The following NCAM2 variants were observed in gnomAD, a reference collection of about 807,000 sequenced individuals.
The protein encoded by NCAM2 is N-CAM-2.
NCAM2 carries 30 observed loss-of-function variants against 98.1 expected under a neutral mutation model. The observed-to-expected ratio is 0.31, with a 90% confidence interval of 0.23 to 0.41. NCAM2 has a LOEUF of 0.41. Among genes scored for constraint, NCAM2 ranks in the 10% least tolerant of loss-of-function variants. NCAM2 has a pLI of 1.00. For missense variants in NCAM2, 867 were observed against 1,005.8 expected, an observed-to-expected ratio of 0.86 and a Z score of 1.87; for synonymous variants, 368 against 342.4, an observed-to-expected ratio of 1.07 and a Z score of -0.83.
intron 1 of NCAM2, among the ~76,000 whole-genome samples, chr21:21,126,363 A>G (rs111986662): frequency 0.013 from 1,954 of 151,984 alleles, 26 homozygotes; most frequent in Non-Finnish European, 0.021. Flanking sequence ...ACATCCAAAC[A>G]AATTTTTTTT....
chr21:21,325,845 T>G (rs1418305036), intron 6 of NCAM2, among the ~76,000 whole-genome samples: 1 of 152,180 alleles, frequency 6.6e-6, no homozygotes, highest in Non-Finnish European at 1.5e-5. Context: ...AACATGAGCT[T>G]GAGATACTCA....
intron 1 of NCAM2, among the ~76,000 whole-genome samples, chr21:21,211,161 G>T (rs2069647294): frequency 6.6e-6 from 1 of 152,116 alleles, no homozygotes; most frequent in South Asian, 2.1e-4. Flanking sequence ...TTTGGATTCA[G>T]TTCCAAGGTC....
chr21:21,320,052 C>G (rs1250063145), intron 5 of NCAM2, among the ~76,000 whole-genome samples: 1 of 152,152 alleles, frequency 6.6e-6, no homozygotes, highest in Non-Finnish European at 1.5e-5. Flanking sequence ...AAAGCCTTTA[C>G]TGTGTTGTTC....
intron 8 of NCAM2, among the ~76,000 whole-genome samples, 182 bp downstream of exon 8, chr21:21,338,716 T>C (rs2074946993): frequency 6.6e-6 from 1 of 152,140 alleles, no homozygotes; most frequent in Non-Finnish European, 1.5e-5. Context: ...AGGGGAAATG[T>C]CAATATGAAA....
intron 9 of NCAM2, among the ~76,000 whole-genome samples, chr21:21,389,631 C>G (rs1301278236): frequency 6.6e-6 from 1 of 152,128 alleles, no homozygotes; most frequent in Admixed American, 6.5e-5. Flanking sequence ...TTCTATTCTT[C>G]CTCCATGAGA....
intron 1 of NCAM2, among the ~76,000 whole-genome samples, chr21:21,046,493 C>T (rs2065009628): frequency 6.6e-6 from 1 of 152,144 alleles, no homozygotes; most frequent in Non-Finnish European, 1.5e-5. Context: ...CCCCATATAA[C>T]ATTTGTTTTT....
chr21:21,338,457 G>T lies in NCAM2; in HGVS notation c.967G>T (p.Asp323Tyr). Reference sequence around the variant, plus strand: ...GAATGGTCAAGTCACACTCGTATGTGATGCGGAAGGGGAGCCTATTCCAGA... The same window carrying T: ...GAATGGTCAAGTCACACTCGTATGTTATGCGGAAGGGGAGCCTATTCCAGA... ...YENGQVTLVC[D>Y]AEGEPIPEIT... Residue 323 changes from aspartate (D) to tyrosine (Y), a missense_variant, in exon 8 of 18, where the codon GAT (aspartate) becomes TAT (tyrosine). This residue lies in a region of NCAM2 where 447 missense variants were observed against 495.7 expected (regional missense o/e 0.90). Coordinates refer to ENST00000400546, the MANE Select transcript of NCAM2 (RefSeq NM_004540.5). 6.2e-7 allele frequency: 1 copy of T among 1,612,902 alleles called. No homozygotes were observed. Among genetic ancestry groups the T allele is most frequent in the Non-Finnish European group, 8.5e-7 (1 of 1,179,392 alleles).
intron 9 of NCAM2, among the ~76,000 whole-genome samples, chr21:21,409,950 A>T (rs1900524525): frequency 6.6e-6 from 1 of 151,988 alleles, no homozygotes; most frequent in Admixed American, 6.6e-5. Context: ...TGGCTAACAC[A>T]GTGAAACCCC....
chr21:21,219,896 T>G (rs1470222714), intron 1 of NCAM2, among the ~76,000 whole-genome samples: 4 of 152,158 alleles, frequency 2.6e-5, no homozygotes, highest in Non-Finnish European at 4.4e-5. Context: ...TAGGCTAATG[T>G]ATGTGTTTGC....
chr21:21,096,228 G>A (rs2066119854), intron 1 of NCAM2, among the ~76,000 whole-genome samples: 1 of 151,420 alleles, frequency 6.6e-6, no homozygotes, highest in Non-Finnish European at 1.5e-5. Context: ...GACTTTAAAT[G>A]CTATATATAT....
chr21:21,512,850 A>G (rs902635690), intron 16 of NCAM2, among the ~76,000 whole-genome samples: 1 of 152,036 alleles, frequency 6.6e-6, no homozygotes, highest in African/African-American at 2.4e-5. Context: ...GAGCTTTTAT[A>G]AATGGGATTA....
At chr21:21,467,760 G>A (rs563918681) in intron 13 of NCAM2, among the ~76,000 whole-genome samples, 47 of 105,206 alleles carry the variant, frequency 4.5e-4, no homozygotes, top group Non-Finnish European at 8.4e-4. Flanking sequence ...GCTGAGGTGA[G>A]AGGTGAGAAG....
chr21:21,250,886 A>C (rs2071444096), intron 1 of NCAM2, among the ~76,000 whole-genome samples: 1 of 152,202 alleles, frequency 6.6e-6, no homozygotes, highest in South Asian at 2.1e-4. Flanking sequence ...TTATTCATGG[A>C]AAACAGTTTT....
At chr21:21,376,450 T>C (rs754709091) in intron 9 of NCAM2, among the ~76,000 whole-genome samples, 12 of 151,788 alleles carry the variant, frequency 7.9e-5, no homozygotes, top group Non-Finnish European at 1.0e-4. Flanking sequence ...AACAGGAGTT[T>C]AAATTAAACC....
At chr21:21,259,736 A>G (rs2071819439) in intron 1 of NCAM2, among the ~76,000 whole-genome samples, 1 of 152,104 alleles carries the variant, frequency 6.6e-6, no homozygotes, top group Admixed American at 6.6e-5. Flanking sequence ...TGCTACAAGA[A>G]GAACCATCTG....
rs372471672 is a variant in NCAM2 at position 21,373,876 on chromosome 21, G to A, written c.1058G>A (p.Arg353His). ...CGATGTAAACAGAGCCTGGACGGCC[G>A]TATCGAAGTCAAAGGGCAGCATGGA... The part of the protein sequence containing the change: ...FTEGDKSLDG[R>H]IEVKGQHGSS... The change falls in exon 9 of 18, where the codon CGT becomes CAT. Residue 353 changes from arginine to histidine, a missense_variant. Physicochemically the swap from Arg to His is conservative, Grantham distance 29. Coordinates refer to ENST00000400546, the MANE Select transcript of NCAM2 (RefSeq NM_004540.5). 36 of 1,606,586 alleles carry A rather than the reference G, an allele frequency of 2.2e-5. No individual in the cohort carries two copies. The highest frequency in any genetic ancestry group is 6.7e-5 in the African/African-American group (5 of 74,330).
intron 1 of NCAM2, among the ~76,000 whole-genome samples, chr21:21,169,735 G>T (rs998275454): frequency 1.3e-5 from 2 of 152,076 alleles, no homozygotes; most frequent in Non-Finnish European, 2.9e-5. Context: ...GATAACTGGA[G>T]CCCAAAAGTT....
chr21:21,368,782 T>C (rs1437142530), intron 8 of NCAM2, among the ~76,000 whole-genome samples: 1 of 151,858 alleles, frequency 6.6e-6, no homozygotes, highest in Non-Finnish European at 1.5e-5. Context: ...ATATGAACTT[T>C]GAGGGGACCC....
chr21:21,188,935 A>G (rs1368834348), intron 1 of NCAM2, among the ~76,000 whole-genome samples: 3 of 152,222 alleles, frequency 2.0e-5, no homozygotes, highest in Admixed American at 2.0e-4. Flanking sequence ...CATTATATAC[A>G]AAGTATAAAA....
Sources: gnomAD v4.1 joint callset for allele counts (sites outside exome capture counted in the v4.1 genomes callset) on GRCh38, gnomAD v4.1.1 for gene constraint, gnomAD v4.1.1 regional missense constraint, MANE v1.5 for transcripts, NCBI Gene and HGNC (gene_info 2026-07-23, HGNC 2026-07-21) for gene names.